The following ERN1 variants were observed in gnomAD, a reference collection of about 807,000 sequenced individuals.
ERN1 encodes the protein endoplasmic reticulum to nucleus signaling 1, also known as serine/threonine-protein kinase/endoribonuclease IRE1.
ERN1 carries 39 observed loss-of-function variants against 113.1 expected under a neutral mutation model. The observed-to-expected ratio is 0.34, with a 90% CI of 0.27 to 0.45. ERN1 has a LOEUF of 0.45. Ranked by LOEUF, ERN1 falls within the 20% of genes least tolerant of loss-of-function variation. The pLI is 1.00. For synonymous variants in ERN1, 507 were observed against 515.9 expected (o/e 0.98, Z 0.23); for missense variants, 976 against 1,274.8 (o/e 0.77, Z 3.57).
At chr17:64,129,279 A>G (rs897636668) in intron 1 of ERN1, 3 of 152,172 alleles carry the variant, frequency 2.0e-5, no homozygotes, top group Non-Finnish European at 4.4e-5. Flanking sequence ...CTTTCATTTG[A>G]GGTTCTGAAG....
chr17:64,087,635 T>C (rs1413184333), intron 2 of ERN1, among the ~76,000 whole-genome samples: 1 of 152,144 alleles, frequency 6.6e-6, no homozygotes, highest in African/African-American at 2.4e-5. Context: ...GGGTGCTGGG[T>C]ACATGGTTTC....
At chr17:64,105,349 T>G (rs1716673237) in intron 1 of ERN1, among the ~76,000 whole-genome samples, 1 of 152,098 alleles carries the variant, frequency 6.6e-6, no homozygotes, top group Admixed American at 6.5e-5. Flanking sequence ...CCTCATGCAA[T>G]CCTTCCACCT....
chr17:64,104,630 T>C (rs57891429), intron 1 of ERN1, among the ~76,000 whole-genome samples: 39,936 of 151,872 alleles, frequency 0.26, 9,545 homozygotes, highest in African/African-American at 0.64. Context: ...AACAGCCTGG[T>C]CAACATAGTG....
intron 1 of ERN1, among the ~76,000 whole-genome samples, chr17:64,116,844 C>T (rs551373080): frequency 4.0e-4 from 61 of 151,934 alleles, no homozygotes; most frequent in African/African-American, 1.4e-3. Flanking sequence ...GTGGCTCATG[C>T]CTGTAATCCC....
At chr17:64,103,101 C>T (rs1195430952) in intron 1 of ERN1, 3 of 261,694 alleles carry the variant, frequency 1.1e-5, no homozygotes, top group East Asian at 3.5e-4. Flanking sequence ...GTATAAGGGT[C>T]CTCACTGCAG....
chr17:64,075,264 A>AAG lies in ERN1; in HGVS notation c.283-18_283-17insCT. The AAG allele has an allele frequency of 4.0e-6, 6 of 1,489,222 alleles. No homozygotes were observed. Among genetic ancestry groups the AAG allele is most frequent in the Non-Finnish European group, 5.3e-6 (6 of 1,126,788 alleles). 92.3% of individuals were successfully genotyped at this position (1,489,222 alleles called of 1,614,324 possible). On this transcript the variant is annotated splice_polypyrimidine_tract_variant and intron_variant, in intron 4 of 21. Transcript: ENST00000433197. The stretch of plus-strand genomic sequence containing the variant: ...AGGAAGTTTCTTTAAAAAAAAAAAA[A>AAG]AAGAAAAAAAAAAGTTAACCAAGTC...
At chr17:64,078,778 G>C (rs959968364) in intron 4 of ERN1, among the ~76,000 whole-genome samples, 2 of 152,126 alleles carry the variant, frequency 1.3e-5, no homozygotes, top group Non-Finnish European at 2.9e-5. Context: ...GCTGAGGTGG[G>C]TGGATCGCTT....
rs1365586464 is a variant in ERN1 at position 64,054,389 on chromosome 17, C to T, written c.1814G>A (p.Cys605Tyr). The T allele has an allele frequency of 7.5e-6, 12 of 1,598,646 alleles. No homozygotes were observed. In the Admixed American group the frequency reaches 1.9e-4, roughly 25 times the overall value. Reference sequence around the variant, plus strand: ...GACCTCACGGTCTGCGAAGCTAAAACACTCGGGGAGGATCCTCTTCACGGC... The same window carrying T: ...GACCTCACGGTCTGCGAAGCTAAAATACTCGGGGAGGATCCTCTTCACGGC... Reference protein sequence around the residue: ...DVAVKRILPECFSFADREVQL... With the variant: ...DVAVKRILPEYFSFADREVQL... Residue 605 changes from cysteine (C) to tyrosine (Y), a missense_variant, in exon 15 of 22, where the codon TGT becomes TAT. Cys to Tyr is a radical substitution (Grantham distance 194). Transcript: ENST00000433197. This position sits in a 1 kb window ranked among gnomAD's most constrained non-coding sequence, Gnocchi z 4.9.
At chr17:64,088,596 A>C in intron 2 of ERN1, among the ~76,000 whole-genome samples, 1 of 152,184 alleles carries the variant, frequency 6.6e-6, no homozygotes. Context: ...GAGATGCGCC[A>C]AACACATCTC....
chr17:64,063,976 C>A lies in ERN1; in HGVS notation c.1087+10G>T. The A allele has an allele frequency of 6.2e-7, 1 of 1,613,228 alleles. No homozygotes were observed. Among genetic ancestry groups the A allele is most frequent in the East Asian group, 2.2e-5 (1 of 44,886 alleles). ...GTCACCTCAGGCTACTGTGGGAGAC[C>A]TGCTCTTACCTATCAGAAGCCAGTA... On this transcript the variant is annotated intron_variant, in intron 10 of 21. Transcript: ENST00000433197. The surrounding 1 kb of genome is among the most constrained non-coding windows in gnomAD (Gnocchi z 5.1).
At chr17:64,073,335 A>T (rs196942) in intron 5 of ERN1, among the ~76,000 whole-genome samples, 80,012 of 134,810 alleles carry the variant, frequency 0.59, 27,106 homozygotes, top group South Asian at 0.77. Context: ...CACCCAGCAA[A>T]TTTTTTTTTT....
In ERN1 at chr17:64,048,235, C is replaced by T. The variant is rs149747622; in HGVS notation, c.2402-250G>A. Among the ~76,000 whole-genome samples, 354 of 152,310 alleles carry T rather than the reference C, an allele frequency of 2.3e-3. 1 individual carries two copies. The highest frequency in any genetic ancestry group is 6.8e-3 in the Middle Eastern group (2 of 294). On this transcript the variant is annotated intron_variant, in intron 18 of 21. Coordinates refer to ENST00000433197, the MANE Select transcript of ERN1 (RefSeq NM_001433.5). Reference sequence around the variant, plus strand: ...GTGGATACACTACGGTGCCTCCCTACGCTGGGCCATGAGCTGTTAAAGTGC... The same window carrying T: ...GTGGATACACTACGGTGCCTCCCTATGCTGGGCCATGAGCTGTTAAAGTGC...
intron 1 of ERN1, among the ~76,000 whole-genome samples, chr17:64,115,676 C>G (rs1441281286): frequency 1.3e-5 from 2 of 152,296 alleles, no homozygotes; most frequent in South Asian, 4.1e-4. Context: ...ACCAAAGTTC[C>G]TCAGGTATCC....
intron 1 of ERN1, among the ~76,000 whole-genome samples, chr17:64,123,704 T>C (rs1464764242): frequency 6.6e-6 from 1 of 152,150 alleles, no homozygotes; most frequent in Non-Finnish European, 1.5e-5. Context: ...TTAAAACTCA[T>C]TCAAGAGTTT....
chr17:64,122,103 T>G (rs1914969837), intron 1 of ERN1, among the ~76,000 whole-genome samples: 1 of 152,194 alleles, frequency 6.6e-6, no homozygotes, highest in Admixed American at 6.5e-5. Context: ...TGTCCCAACA[T>G]ACGCACCAGA....
intron 1 of ERN1, among the ~76,000 whole-genome samples, chr17:64,119,377 T>TTG (rs1491180031): frequency 0.019 from 1,389 of 72,898 alleles, 217 homozygotes; most frequent in African/African-American, 0.13. Context: ...TTTTTCTAGG[T>TTG]TTTTTTTTTT....
intron 7 of ERN1, 122 bp downstream of exon 7, chr17:64,068,068 G>A: frequency 1.5e-6 from 1 of 688,052 alleles, no homozygotes; most frequent in Non-Finnish European, 2.5e-6. Context: ...AAAAGTCCAT[G>A]GAAAGAAAGA....
chr17:64,076,043 G>A (rs888611240), intron 4 of ERN1, among the ~76,000 whole-genome samples: 1 of 152,154 alleles, frequency 6.6e-6, no homozygotes, highest in Non-Finnish European at 1.5e-5. Flanking sequence ...TGAGACTTTT[G>A]GTTTTAAAGA....
At chr17:64,129,399 A>G (rs1192205186) in intron 1 of ERN1, 1 of 159,446 alleles carries the variant, frequency 6.3e-6, no homozygotes, top group Non-Finnish European at 1.4e-5. Flanking sequence ...TCCCAGTACC[A>G]AGAAACCGGC....
Sources: allele counts gnomAD v4.1 joint callset (sites outside exome capture counted in the v4.1 genomes callset), GRCh38; gene constraint gnomAD v4.1.1; non-coding constraint Gnocchi (gnomAD v3.1); transcripts MANE v1.5; gene names NCBI Gene and HGNC (gene_info 2026-07-23, HGNC 2026-07-21).